FCHO2: variants seen among roughly 807,000 people sequenced by gnomAD.
The protein encoded by FCHO2 is F-BAR domain only protein 2.
FCHO2 carries 43 observed loss-of-function variants against 114.1 expected under a neutral mutation model. The ratio of observed to expected loss-of-function variants is 0.38; its 90% CI spans 0.30 to 0.49. The LOEUF is 0.49. Among genes scored for constraint, FCHO2 ranks in the 20% least tolerant of loss-of-function variants. The probability of loss-of-function intolerance (pLI) is 0.97; values close to 1 mark genes in which losing one functional copy is unlikely to be tolerated. For synonymous variants in FCHO2, 293 were observed against 315.2 expected (o/e 0.93, Z 0.75); for missense variants, 807 against 950.4 (o/e 0.85, Z 1.98).
intron 1 of FCHO2, among the ~76,000 whole-genome samples, chr5:72,966,036 A>G (rs910084036): frequency 3.9e-5 from 6 of 152,204 alleles, no homozygotes; most frequent in South Asian, 4.1e-4. Flanking sequence ...GTGATTATAC[A>G]ATATACAATC....
chr5:73,086,221 T>C (rs1287699519), intron 24 of FCHO2, among the ~76,000 whole-genome samples: 2 of 152,308 alleles, frequency 1.3e-5, no homozygotes, highest in East Asian at 3.9e-4. Flanking sequence ...CTAAGGTGAT[T>C]GTCAAGGTTG....
chr5:73,080,744 A>G (rs1738437284), intron 22 of FCHO2, among the ~76,000 whole-genome samples: 1 of 152,184 alleles, frequency 6.6e-6, no homozygotes, highest in African/African-American at 2.4e-5. Flanking sequence ...ACAGGTGTTC[A>G]TTTATTCAAC....
chr5:73,089,044 C>T lies in FCHO2; in HGVS notation c.*954C>T, dbSNP rs1002140572. On this transcript the variant is annotated 3_prime_UTR_variant, in exon 26 of 26. Transcript: ENST00000430046. ...GGGGATTCAGAGTCATAAAGCCTAA[C>T]TTAAGAATCCTGGCTCACTTCTTTG... 6.6e-6 allele frequency: 1 copy of T among 152,512 alleles called. No homozygotes were observed. Among genetic ancestry groups the T allele is most frequent in the Non-Finnish European group, 1.5e-5 (1 of 67,990 alleles). 9.4% of individuals were successfully genotyped at this position (152,512 alleles called of 1,614,324 possible). A position where few individuals can be genotyped will look rare whatever the true frequency, so the allele number is the denominator to read the frequency against.
In FCHO2 at chr5:73,014,968, C is replaced by T. The variant is rs554621449; in HGVS notation, c.601-658C>T. 4.7e-5 allele frequency among the ~76,000 whole-genome samples: 7 copies of T among 147,406 alleles called. No individual in the cohort carries two copies. The East Asian group carries it at 1.1e-3, about 23-fold the overall frequency. ...GTGGGCACCTGTAGTCCAAGCTACT[C>T]GGGTGGCTGAAGCAGGAGAATGATG... On this transcript the variant is annotated intron_variant, in intron 6 of 25. Transcript: ENST00000430046.
intron 6 of FCHO2, among the ~76,000 whole-genome samples, chr5:73,007,198 A>G (rs989961193): frequency 4.2e-4 from 64 of 152,174 alleles, no homozygotes; most frequent in African/African-American, 1.5e-3. Flanking sequence ...ACAAGGCCCC[A>G]GAAATCTCAG....
intron 17 of FCHO2, among the ~76,000 whole-genome samples, chr5:73,059,306 G>T (rs940157691): frequency 1.4e-4 from 21 of 152,110 alleles, no homozygotes; most frequent in African/African-American, 5.1e-4. Flanking sequence ...AACTTTGTTA[G>T]GAGTGCCACA....
chr5:73,056,835 GGA>G (rs1231168265), intron 16 of FCHO2, among the ~76,000 whole-genome samples: 1 of 152,040 alleles, frequency 6.6e-6, no homozygotes, highest in Non-Finnish European at 1.5e-5. Context: ...AGTTGGAAAG[GGA>G]GAGAGAGGCT....
intron 24 of FCHO2, among the ~76,000 whole-genome samples, chr5:73,084,976 A>G (rs560977960): frequency 1.3e-5 from 2 of 152,354 alleles, no homozygotes; most frequent in Admixed American, 1.3e-4. Context: ...CCAGTTTAGA[A>G]GGACAAAAGG....
chr5:72,998,857 C>T (rs1298548841), intron 5 of FCHO2, among the ~76,000 whole-genome samples: 1 of 149,946 alleles, frequency 6.7e-6, no homozygotes, highest in Non-Finnish European at 1.5e-5. Flanking sequence ...TGAGGTCTCA[C>T]TGTGTCACCC....
intron 8 of FCHO2, among the ~76,000 whole-genome samples, chr5:73,024,185 A>G (rs62362165): frequency 0.3 from 45,618 of 151,838 alleles, 7,087 homozygotes; most frequent in East Asian, 0.44. Flanking sequence ...TGAGCTTCCC[A>G]AGTAGCTGGG....
At chr5:73,068,513 C>T in intron 18 of FCHO2, 137 bp from the exon 19 acceptor site, 1 of 714,950 alleles carries the variant, frequency 1.4e-6, no homozygotes. Flanking sequence ...TGATATATGG[C>T]ATCTCTGATA....
intron 1 of FCHO2, among the ~76,000 whole-genome samples, chr5:72,964,980 T>G (rs761466995): frequency 1.8e-4 from 27 of 151,916 alleles, no homozygotes; most frequent in Non-Finnish European, 3.5e-4. Flanking sequence ...ATTAATCACT[T>G]AGCAGCCATC....
chr5:73,025,901 T>G (rs1194141050), intron 8 of FCHO2, among the ~76,000 whole-genome samples: 1 of 152,262 alleles, frequency 6.6e-6, no homozygotes, highest in East Asian at 1.9e-4. Context: ...TCTCCTCTTT[T>G]GTAAGGAGCC....
At chr5:73,056,404 T>C (rs983186189) in intron 16 of FCHO2, among the ~76,000 whole-genome samples, 2 of 152,162 alleles carry the variant, frequency 1.3e-5, no homozygotes, top group Admixed American at 1.3e-4. Context: ...TCATACAGAG[T>C]ATTTTTGCTG....
At chr5:73,081,367 G>C (rs1017987387) in intron 22 of FCHO2, among the ~76,000 whole-genome samples, 2 of 152,142 alleles carry the variant, frequency 1.3e-5, no homozygotes, top group African/African-American at 2.4e-5. Context: ...ACTACGTGGT[G>C]ACCTTTTTTC....
intron 2 of FCHO2, among the ~76,000 whole-genome samples, chr5:72,973,418 G>A (rs1463168095): frequency 1.3e-5 from 2 of 152,006 alleles, no homozygotes; most frequent in African/African-American, 2.4e-5. Context: ...ACTTCTTCCT[G>A]GTTTAGTCTT....
At chr5:73,044,552 G>A (rs928318280) in intron 11 of FCHO2, among the ~76,000 whole-genome samples, 7 of 152,156 alleles carry the variant, frequency 4.6e-5, no homozygotes. Context: ...AGGCTATCAT[G>A]GTAGGGAAAT....
chr5:73,012,650 A>T (rs1050047761), intron 6 of FCHO2, among the ~76,000 whole-genome samples: 1 of 152,034 alleles, frequency 6.6e-6, no homozygotes, highest in Non-Finnish European at 1.5e-5. Flanking sequence ...TAATGTAACA[A>T]TACATGTGAA....
rs746043776 is a variant in FCHO2 at position 72,990,515 on chromosome 5, A to G, written c.238A>G (p.Thr80Ala). 2.6e-6 allele frequency: 4 copies of G among 1,536,006 alleles called. No individual in the cohort carries two copies. The highest frequency in any genetic ancestry group is 3.5e-6 in the Non-Finnish European group (4 of 1,142,614). ...APVWDVFKTS[T>A]EKLANCHLDL... ...AGTATGGGATGTATTCAAAACATCT[A>G]CAGAGAAATTAGCAAATTGTCACTT... The change falls in exon 4 of 26, where the codon ACA (threonine) becomes GCA (alanine). Residue 80 changes from threonine to alanine, a missense_variant. By Grantham distance (58) the Thr-to-Ala change is moderately conservative. Coordinates refer to ENST00000430046, the MANE Select transcript of FCHO2 (RefSeq NM_138782.3).
Sources: allele counts gnomAD v4.1 joint callset (sites outside exome capture counted in the v4.1 genomes callset), GRCh38; gene constraint gnomAD v4.1.1; transcripts MANE v1.5; gene names NCBI Gene and HGNC (gene_info 2026-07-23, HGNC 2026-07-21).